Variants in KCNH7 observed in about 807,000 individuals in gnomAD.
The protein encoded by KCNH7 is voltage-gated inwardly rectifying potassium channel KCNH7.
Under a neutral mutation model 120.8 loss-of-function variants are expected in KCNH7, and 49 were observed. That is an observed-to-expected ratio of 0.41 (90% CI 0.32 to 0.51). The LOEUF is 0.51. KCNH7 is among the 20% of genes least tolerant of loss of function. KCNH7 has a pLI of 0.38. For synonymous variants in KCNH7, 547 were observed against 516.1 expected, an observed-to-expected ratio of 1.06 and a Z score of -0.81; for missense variants, 1,097 against 1,446.6, an observed-to-expected ratio of 0.76 and a Z score of 3.92.
rs1411013586 is a variant in KCNH7, at chr2:162,394,396, T to G, written c.2703A>C (p.Gly901=). ...RRRKLSFESE[G]EKENSTNDPE... is the part of the protein sequence containing the mutation. Reference sequence around the variant, plus strand: ...AGGAATGGAATGAATTACCTTTCTCTCCTTCACTTTCAAATGACAATTTCC... The same window carrying G: ...AGGAATGGAATGAATTACCTTTCTCGCCTTCACTTTCAAATGACAATTTCC... Residue 901 remains glycine (G), a synonymous_variant, in exon 12 of 16, where the codon GGA becomes GGC. Coordinates refer to ENST00000332142, the MANE Select transcript of KCNH7 (RefSeq NM_033272.4). 1 of 1,543,752 alleles carries G rather than the reference T, an allele frequency of 6.5e-7. No individual in the cohort carries two copies. Among genetic ancestry groups the G allele is most frequent in the African/African-American group, 1.4e-5 (1 of 73,568 alleles).
chr2:162,593,748 G>C (rs993200722), intron 2 of KCNH7, among the ~76,000 whole-genome samples: 2 of 151,872 alleles, frequency 1.3e-5, no homozygotes, highest in Admixed American at 6.6e-5. Flanking sequence ...ATTTCTAAAT[G>C]AAAATGAAGA....
intron 2 of KCNH7, among the ~76,000 whole-genome samples, chr2:162,740,806 G>T (rs1688100020): frequency 6.6e-6 from 1 of 152,076 alleles, no homozygotes; most frequent in South Asian, 2.1e-4. Flanking sequence ...TCCCTCAACT[G>T]CAATTTCCTT....
chr2:162,826,792 A>G (rs1182195903), intron 2 of KCNH7, among the ~76,000 whole-genome samples: 1 of 152,132 alleles, frequency 6.6e-6, no homozygotes, highest in African/African-American at 2.4e-5. Flanking sequence ...AAAATGTTCA[A>G]CATGGAGTGG....
intron 2 of KCNH7, among the ~76,000 whole-genome samples, chr2:162,810,948 G>A (rs778896165): frequency 6.2e-4 from 95 of 152,170 alleles, no homozygotes; most frequent in Non-Finnish European, 1.2e-3. Context: ...TCAAAAATGA[G>A]AAGTTAGCAC....
At chr2:162,444,187 T>G (rs183139976) in intron 7 of KCNH7, among the ~76,000 whole-genome samples, 2 of 152,212 alleles carry the variant, frequency 1.3e-5, no homozygotes, top group Admixed American at 6.5e-5. Flanking sequence ...TCTTTTGCCC[T>G]CTGCCATCCC....
chr2:162,474,329 G>T (rs1241955592), intron 6 of KCNH7, among the ~76,000 whole-genome samples: 1 of 152,182 alleles, frequency 6.6e-6, no homozygotes, highest in African/African-American at 2.4e-5. Context: ...ACATTCTCTT[G>T]AGGACAGTTA....
At position 162,756,023 on chromosome 2, in the gene KCNH7, A is replaced by T. The variant is rs1033295667; in HGVS notation, c.307+80514T>A. Reference sequence around the variant, plus strand: ...AGTGATATTTTTAATTTAATGCTTCACATTTCAAGGGTTCTACTCTAATTA... The same window carrying T: ...AGTGATATTTTTAATTTAATGCTTCTCATTTCAAGGGTTCTACTCTAATTA... On this transcript the variant is annotated intron_variant, in intron 2 of 15. Coordinates refer to ENST00000332142, the MANE Select transcript of KCNH7 (RefSeq NM_033272.4). 3.3e-5 allele frequency among the ~76,000 whole-genome samples: 5 copies of T among 152,190 alleles called. No individual in the cohort carries two copies. In the East Asian group the frequency reaches 7.7e-4, roughly 23 times the overall value.
chr2:162,721,019 T>C (rs1169687009), intron 2 of KCNH7, among the ~76,000 whole-genome samples: 4 of 152,230 alleles, frequency 2.6e-5, no homozygotes, highest in Admixed American at 6.5e-5. Flanking sequence ...TGCAGATTTC[T>C]GAGGTATAGA....
intron 2 of KCNH7, among the ~76,000 whole-genome samples, chr2:162,817,824 T>C (rs1684967631): frequency 6.6e-6 from 1 of 152,118 alleles, no homozygotes; most frequent in Non-Finnish European, 1.5e-5. Flanking sequence ...CCATTGTGTA[T>C]CTTTCCTTGG....
chr2:162,836,491 T>C (rs1685667863), intron 2 of KCNH7, 46 bp downstream of exon 2: 2 of 1,491,310 alleles, frequency 1.3e-6, no homozygotes, highest in Non-Finnish European at 1.9e-6. Flanking sequence ...CAAAATTTCT[T>C]TTCAATGGGA....
chr2:162,378,614 T>C (rs1205083735), intron 14 of KCNH7, among the ~76,000 whole-genome samples: 2 of 152,136 alleles, frequency 1.3e-5, no homozygotes, highest in African/African-American at 2.4e-5. Context: ...ATATCAACGA[T>C]AGAAATATGT....
chr2:162,429,383 C>T lies in KCNH7; in HGVS notation c.1954+5815G>A, dbSNP rs375684178. Reference sequence around the variant, plus strand: ...AGACATTTAGAAATGAGGAAAAAGTCTTTTTTTTTTTTTTTTTTTTTTACT... The same window carrying T: ...AGACATTTAGAAATGAGGAAAAAGTTTTTTTTTTTTTTTTTTTTTTTTACT... On this transcript the variant is annotated intron_variant, in intron 8 of 15. Coordinates refer to ENST00000332142, the MANE Select transcript of KCNH7 (RefSeq NM_033272.4). Among the ~76,000 whole-genome samples the T allele has an allele frequency of 2.9e-3, 249 of 86,182 alleles. 1 individual carries two copies. The highest frequency in any genetic ancestry group is 7.8e-3 in the African/African-American group (124 of 15,942). The allele number at this position is 86,182 out of a possible 152,430, so 56.5% of individuals were successfully genotyped here.
At position 162,422,505 on chromosome 2, in the gene KCNH7, C is replaced by T. The variant is rs913235876; in HGVS notation, c.2154+831G>A. On this transcript the variant is annotated intron_variant, in intron 9 of 15. Transcript: ENST00000332142. ...TTATTCTTTTTTTTCTGATGCTCTA[C>T]GATATGTCATAGAATTTGGATTTGT... Among the ~76,000 whole-genome samples, 26 of 152,064 alleles carry T rather than the reference C, an allele frequency of 1.7e-4. No individual in the cohort carries two copies. In the East Asian group the frequency reaches 4.3e-3, roughly 25 times the overall value.
intron 2 of KCNH7, among the ~76,000 whole-genome samples, chr2:162,821,979 C>T (rs78201916): frequency 0.075 from 11,336 of 151,138 alleles, 622 homozygotes; most frequent in Non-Finnish European, 0.12. Context: ...AACTGGGAGT[C>T]CAAGTTGTCC....
chr2:162,399,256 TTC>T lies in KCNH7; in HGVS notation c.2407+931_2407+932del, dbSNP rs1465283459. ...GAGAAAAGAAGAATTGACTGCATTTTTCTCTGTTTCCTTGCTCTTCCCCAGTG... is the reference window on the plus strand; with the variant it reads ...GAGAAAAGAAGAATTGACTGCATTTTTCTGTTTCCTTGCTCTTCCCCAGTG... On this transcript the variant is annotated intron_variant, in intron 10 of 15. Coordinates refer to ENST00000332142, the MANE Select transcript of KCNH7 (RefSeq NM_033272.4). Among the ~76,000 whole-genome samples the T allele has an allele frequency of 2.0e-5, 3 of 151,846 alleles. No individual in the cohort carries two copies. In the East Asian group the frequency reaches 5.8e-4, roughly 29 times the overall value.
At chr2:162,524,410 A>G (rs1249922484) in intron 3 of KCNH7, among the ~76,000 whole-genome samples, 3 of 152,038 alleles carry the variant, frequency 2.0e-5, no homozygotes, top group Non-Finnish European at 4.4e-5. Context: ...TACCTGGAAC[A>G]GCTGGTATTT....
At chr2:162,544,617 C>A (rs1483864131) in intron 2 of KCNH7, among the ~76,000 whole-genome samples, 1 of 152,116 alleles carries the variant, frequency 6.6e-6, no homozygotes, top group Non-Finnish European at 1.5e-5. Flanking sequence ...ACTTTTAAAT[C>A]AGGTGTATTC....
intron 2 of KCNH7, among the ~76,000 whole-genome samples, chr2:162,827,839 C>T (rs138469668): frequency 2.6e-4 from 39 of 152,204 alleles, no homozygotes; most frequent in African/African-American, 4.1e-4. Context: ...AATGGGATAA[C>T]GTCTGCTCCC....
chr2:162,788,017 A>G (rs1444938479), intron 2 of KCNH7, among the ~76,000 whole-genome samples: 3 of 149,584 alleles, frequency 2.0e-5, no homozygotes. Flanking sequence ...TGTAAAGAGT[A>G]GAGGAGGACC....
Sources: gnomAD v4.1 joint callset for allele counts (sites outside exome capture counted in the v4.1 genomes callset) on GRCh38, gnomAD v4.1.1 for gene constraint, MANE v1.5 for transcripts, NCBI Gene and HGNC (gene_info 2026-07-23, HGNC 2026-07-21) for gene names.